The following EYA3 variants were observed in gnomAD, a reference collection of about 807,000 sequenced individuals.
EYA3 encodes the protein EYA transcriptional coactivator and phosphatase 3, also known as protein phosphatase EYA3.
A neutral mutation model predicts 80.0 loss-of-function variants in EYA3; 39 were observed. The observed-to-expected ratio is 0.49, with a 90% CI of 0.38 to 0.64. EYA3 has a LOEUF of 0.64. Ranked by LOEUF, EYA3 falls within the 30% of genes least tolerant of loss-of-function variation. The pLI, the probability that EYA3 is intolerant of heterozygous loss-of-function variation, is 0.00. For missense variants in EYA3, 523 were observed against 676.1 expected (o/e 0.77, Z 2.51); for synonymous variants, 206 against 232.8 (o/e 0.88, Z 1.05).
At position 27,972,615 on chromosome 1, in the gene EYA3, A is replaced by G. The variant is rs1557512757; in HGVS notation, c.*1851T>C. 6.6e-6 allele frequency: 1 copy of G among 152,182 alleles called. No individual in the cohort carries two copies. Among genetic ancestry groups the G allele is most frequent in the Non-Finnish European group, 1.5e-5 (1 of 68,034 alleles). 9.4% of individuals were successfully genotyped at this position (152,182 alleles called of 1,614,324 possible). A position where few individuals can be genotyped will look rare whatever the true frequency, so the allele number is the denominator to read the frequency against. On this transcript the variant is annotated 3_prime_UTR_variant, in exon 18 of 18. Transcript: ENST00000373871. ...CAATTATAGCTGGGGTTGGTCAACAATGCCTCCTTCTGCGGACCAATCCTG... is the reference window on the plus strand; with the variant it reads ...CAATTATAGCTGGGGTTGGTCAACAGTGCCTCCTTCTGCGGACCAATCCTG...
chr1:28,056,981 G>GAT (rs1009469788), intron 2 of EYA3, among the ~76,000 whole-genome samples: 1 of 152,086 alleles, frequency 6.6e-6, no homozygotes, highest in Non-Finnish European at 1.5e-5. Flanking sequence ...CCATTTCCCT[G>GAT]ATAATTAAAG....
intron 1 of EYA3, among the ~76,000 whole-genome samples, chr1:28,059,847 A>C (rs1464815238): frequency 6.6e-6 from 1 of 151,730 alleles, no homozygotes; most frequent in Non-Finnish European, 1.5e-5. Context: ...CAGGCTCCCA[A>C]GTAGCTGGGA....
At chr1:27,996,153 G>A (rs372418402) in intron 13 of EYA3, among the ~76,000 whole-genome samples, 95 of 152,322 alleles carry the variant, frequency 6.2e-4, no homozygotes, top group African/African-American at 2.2e-3. Flanking sequence ...GATTACAGGC[G>A]TAAGCCACTG....
intron 14 of EYA3, 120 bp from the exon 15 acceptor site, chr1:27,989,931 T>TA: frequency 2.0e-6 from 1 of 503,694 alleles, no homozygotes; most frequent in Admixed American, 3.5e-5. Flanking sequence ...ACTGAGTATG[T>TA]TTATATATAT....
In EYA3 at chr1:28,000,056, G is replaced by A; in HGVS notation, c.994-7C>T. ...CAATCACTACTGTTGGGTCCTAGAA[G>A]ACAATAAGAAAAAATCAGCTTGACT... is the stretch of plus-strand genomic sequence containing the variant. On this transcript the variant is annotated splice_polypyrimidine_tract_variant and splice_region_variant and intron_variant, in intron 11 of 17. Coordinates refer to ENST00000373871, the MANE Select transcript of EYA3 (RefSeq NM_001990.4). 6.3e-7 allele frequency: 1 copy of A among 1,582,896 alleles called. No individual in the cohort carries two copies. Among genetic ancestry groups the A allele is most frequent in the Non-Finnish European group, 8.6e-7 (1 of 1,167,136 alleles).
Position 28,012,136 on chromosome 1 carries a change from C to T in EYA3, c.769+975G>A, listed in dbSNP as rs1003177672. On this transcript the variant is annotated intron_variant, in intron 9 of 17. Coordinates refer to ENST00000373871, the MANE Select transcript of EYA3 (RefSeq NM_001990.4). The stretch of plus-strand genomic sequence containing the variant: ...CAATGCCTGGAATCTGGGGAGGGAG[C>T]TAGATGATGTATAGCTGAAACAAAA... Among the ~76,000 whole-genome samples the T allele has an allele frequency of 2.0e-5, 3 of 152,052 alleles. No individual in the cohort carries two copies. The South Asian group carries it at 6.2e-4, about 32-fold the overall frequency.
chr1:27,989,850 C>A, intron 14 of EYA3, 39 bp from the exon 15 acceptor site: 1 of 1,355,350 alleles, frequency 7.4e-7, no homozygotes, highest in Non-Finnish European at 1.0e-6. Flanking sequence ...CATTTGACAA[C>A]ATATATTTGC....
intron 9 of EYA3, among the ~76,000 whole-genome samples, chr1:28,011,786 C>A (rs1196951424): frequency 1.3e-5 from 2 of 152,146 alleles, no homozygotes; most frequent in African/African-American, 4.8e-5. Context: ...CCCATAATTA[C>A]CAATCACAAT....
chr1:28,005,637 C>T (rs1273103569), intron 10 of EYA3, among the ~76,000 whole-genome samples: 2 of 151,510 alleles, frequency 1.3e-5, no homozygotes, highest in South Asian at 2.1e-4. Flanking sequence ...ATCACTTGGG[C>T]GTGGGAAGTC....
chr1:27,981,773 A>G (rs952312590), intron 16 of EYA3, among the ~76,000 whole-genome samples: 2 of 151,660 alleles, frequency 1.3e-5, no homozygotes, highest in Non-Finnish European at 2.9e-5. Context: ...CAAAAAAAAA[A>G]AAAAAAGAAA....
At chr1:28,012,100 C>A (rs2815709) in intron 9 of EYA3, among the ~76,000 whole-genome samples, 2,089 of 152,150 alleles carry the variant, frequency 0.014, 49 homozygotes, top group African/African-American at 0.046. Context: ...CCATACTTAT[C>A]TTTTAGAGAA....
Position 27,974,367 on chromosome 1 carries a change from CAG to C in EYA3, c.*97_*98del, listed in dbSNP as rs1638839097. On this transcript the variant is annotated 3_prime_UTR_variant, in exon 18 of 18. Transcript: ENST00000373871. Reference sequence around the variant, plus strand: ...AGAGAGAGAGATAGAGACAGAGACACAGAGAGAGACAGACAGAGAAAGTTCTC... The same window carrying C: ...AGAGAGAGAGATAGAGACAGAGACACAGAGAGACAGACAGAGAAAGTTCTC... 1 of 794,234 alleles carries C rather than the reference CAG, an allele frequency of 1.3e-6. No homozygotes were observed. Among genetic ancestry groups the C allele is most frequent in the South Asian group, 1.7e-5 (1 of 59,086 alleles). 49.2% of individuals were successfully genotyped at this position (794,234 alleles called of 1,614,324 possible).
intron 1 of EYA3, among the ~76,000 whole-genome samples, chr1:28,072,460 TG>T (rs1440077890): frequency 1.3e-5 from 2 of 151,936 alleles, no homozygotes; most frequent in African/African-American, 2.4e-5. Flanking sequence ...CAGAGAGCCC[TG>T]GGGGAAGGGT....
At chr1:27,995,712 CAAAAATA>C (rs1193344610) in intron 13 of EYA3, among the ~76,000 whole-genome samples, 2 of 145,746 alleles carry the variant, frequency 1.4e-5, no homozygotes, top group African/African-American at 2.5e-5. Flanking sequence ...GCACTCCAGC[CAAAAATA>C]AAAAATAAAA....
At chr1:28,015,998 A>G (rs531222851) in intron 8 of EYA3, among the ~76,000 whole-genome samples, 26 of 152,228 alleles carry the variant, frequency 1.7e-4, no homozygotes, top group Non-Finnish European at 2.6e-4. Flanking sequence ...AAAAAATGTC[A>G]ATCAGTTGGA....
intron 1 of EYA3, among the ~76,000 whole-genome samples, chr1:28,064,798 T>C (rs1053893713): frequency 1.3e-5 from 2 of 152,048 alleles, no homozygotes; most frequent in African/African-American, 4.8e-5. Context: ...CCAAGTAATT[T>C]TTATATTCAC....
At chr1:28,046,661 C>A (rs186007395) in intron 3 of EYA3, among the ~76,000 whole-genome samples, 9 of 152,122 alleles carry the variant, frequency 5.9e-5, no homozygotes, top group Admixed American at 4.6e-4. Context: ...ACAGTTAGCA[C>A]AATTTTGTGT....
In EYA3 at chr1:27,993,577, T is replaced by A. The variant is rs986866266; in HGVS notation, c.1143-17A>T. The stretch of plus-strand genomic sequence containing the variant: ...CTGTAGTTGCTGCAAGGAGAGAAGA[T>A]AATAAAAATTAAAATTTATACAGCA... On this transcript the variant is annotated splice_polypyrimidine_tract_variant and intron_variant, in intron 13 of 17. Coordinates refer to ENST00000373871, the MANE Select transcript of EYA3 (RefSeq NM_001990.4). The A allele has an allele frequency of 3.8e-6, 6 of 1,559,028 alleles. No individual in the cohort carries two copies. The African/African-American group carries it at 7.0e-5, about 18-fold the overall frequency.
At chr1:28,028,229 CA>C (rs1319873865) in intron 6 of EYA3, among the ~76,000 whole-genome samples, 2 of 152,110 alleles carry the variant, frequency 1.3e-5, no homozygotes, top group Non-Finnish European at 2.9e-5. Flanking sequence ...TATTGACACC[CA>C]ACTGGAGTAT....
Sources: allele counts gnomAD v4.1 joint callset (sites outside exome capture counted in the v4.1 genomes callset), GRCh38; gene constraint gnomAD v4.1.1; transcripts MANE v1.5; gene names NCBI Gene and HGNC (gene_info 2026-07-23, HGNC 2026-07-21).